The following VPS13B variants were observed in gnomAD, a reference collection of about 807,000 sequenced individuals.
The protein encoded by VPS13B is vacuolar protein sorting 13 homolog B, also known as intermembrane lipid transfer protein VPS13B.
A neutral mutation model predicts 426.4 loss-of-function variants in VPS13B; 285 were observed. That is an observed-to-expected ratio of 0.67 (90% CI 0.61 to 0.74). The LOEUF (loss-of-function observed/expected upper bound fraction) is 0.74. Ranked by LOEUF, VPS13B falls within the 30% of genes least tolerant of loss-of-function variation. The pLI, the probability that VPS13B is intolerant of heterozygous loss-of-function variation, is 0.00. For synonymous variants in VPS13B, 1,676 were observed against 1,676.4 expected (o/e 1.00, Z 0.01); for missense variants, 4,537 against 4,782.6 (o/e 0.95, Z 1.51).
chr8:99,257,270 A>G (rs766959310), intron 17 of VPS13B, among the ~76,000 whole-genome samples: 1 of 152,162 alleles, frequency 6.6e-6, no homozygotes, highest in African/African-American at 2.4e-5. Flanking sequence ...GTAGTTCTTT[A>G]TCATGAATTG....
chr8:99,812,712 A>G (rs2130796046), intron 44 of VPS13B, among the ~76,000 whole-genome samples: 1 of 152,098 alleles, frequency 6.6e-6, no homozygotes, highest in South Asian at 2.1e-4. Context: ...AACCTTTACT[A>G]CTCTAAAATC....
intron 17 of VPS13B, among the ~76,000 whole-genome samples, chr8:99,221,257 A>G (rs2132827800): frequency 6.7e-6 from 1 of 148,676 alleles, no homozygotes; most frequent in South Asian, 2.2e-4. Context: ...ATACGTGTGC[A>G]TGTGTCTTTA....
chr8:99,497,155 A>G (rs954605133), intron 25 of VPS13B, among the ~76,000 whole-genome samples: 2 of 125,722 alleles, frequency 1.6e-5, no homozygotes, highest in South Asian at 4.4e-4. Flanking sequence ...TATTTATGTA[A>G]TATAAAAATA....
At chr8:99,417,491 C>T (rs1034303588) in intron 21 of VPS13B, among the ~76,000 whole-genome samples, 2 of 152,276 alleles carry the variant, frequency 1.3e-5, no homozygotes, top group African/African-American at 4.8e-5. Flanking sequence ...GCTTCTTAAA[C>T]ATCTCATGAT....
intron 54 of VPS13B, among the ~76,000 whole-genome samples, chr8:99,837,821 C>T (rs1815473577): frequency 6.6e-6 from 1 of 152,188 alleles, no homozygotes. Flanking sequence ...AGCAGTCCTT[C>T]TGGAGGAGGG....
At chr8:99,425,192 G>A (rs1376837724) in intron 21 of VPS13B, among the ~76,000 whole-genome samples, 1 of 152,126 alleles carries the variant, frequency 6.6e-6, no homozygotes, top group Admixed American at 6.6e-5. Flanking sequence ...AGAAAAAGAG[G>A]GAATCCTCCC....
intron 12 of VPS13B, among the ~76,000 whole-genome samples, chr8:99,137,115 T>A (rs1408738312): frequency 1.3e-5 from 2 of 152,158 alleles, no homozygotes; most frequent in East Asian, 3.8e-4. Context: ...TTAAAAAGAA[T>A]GTGTTGTATC....
At chr8:99,544,276 A>C (rs181963519) in intron 30 of VPS13B, among the ~76,000 whole-genome samples, 4,892 of 152,116 alleles carry the variant, frequency 0.032, 105 homozygotes, top group Middle Eastern at 0.068. Context: ...GAACACTTGG[A>C]CACAGGGTGG....
intron 19 of VPS13B, among the ~76,000 whole-genome samples, chr8:99,373,414 G>A (rs752030401): frequency 4.6e-5 from 7 of 151,762 alleles, no homozygotes; most frequent in African/African-American, 7.3e-5. Context: ...AGTGTATATT[G>A]TGATTATAAA....
At chr8:99,473,077 C>A (rs891957667) in intron 24 of VPS13B, among the ~76,000 whole-genome samples, 1 of 151,990 alleles carries the variant, frequency 6.6e-6, no homozygotes, top group African/African-American at 2.4e-5. Context: ...ATCAAATATT[C>A]TGGAAAAAAT....
chr8:99,814,696 G>A (rs1001221581), intron 44 of VPS13B, among the ~76,000 whole-genome samples: 11 of 152,164 alleles, frequency 7.2e-5, no homozygotes, highest in Non-Finnish European at 1.3e-4. Context: ...GCCACTGGGG[G>A]CCAAGGGAGG....
rs766574205 is a variant in VPS13B, at chr8:99,642,517, A to C, written c.5908+19A>C. The C allele has an allele frequency of 1.3e-6, 2 of 1,591,930 alleles. No homozygotes were observed. Among genetic ancestry groups the C allele is most frequent in the African/African-American group, 1.3e-5 (1 of 74,540 alleles). On this transcript the variant is annotated intron_variant, in intron 34 of 61. Coordinates refer to ENST00000357162, the MANE Select transcript of VPS13B (RefSeq NM_152564.5). ...TGTATAGGTAAGAACCTTCAAACTT[A>C]CTGGAGTGCTAATAATTACTATCTA...
chr8:99,496,306 T>G (rs1272424033), intron 25 of VPS13B, among the ~76,000 whole-genome samples: 2 of 152,186 alleles, frequency 1.3e-5, no homozygotes, highest in Admixed American at 1.3e-4. Flanking sequence ...CATTAAAATT[T>G]TTATGCTATT....
chr8:99,259,883 A>G (rs1024141608), intron 17 of VPS13B, among the ~76,000 whole-genome samples: 8 of 152,128 alleles, frequency 5.3e-5, no homozygotes, highest in African/African-American at 1.7e-4. Flanking sequence ...TAATTCAGCA[A>G]GAGTAAGAGT....
intron 33 of VPS13B, chr8:99,613,683 G>C (rs1007260021): frequency 2.6e-5 from 4 of 152,174 alleles, no homozygotes; most frequent in Admixed American, 1.3e-4. Flanking sequence ...TGAATGACAG[G>C]TTATAGAAAT....
rs587780498 is a variant in VPS13B at position 99,641,875 on chromosome 8, G to A, written c.5285G>A (p.Arg1762His). 3.3e-5 allele frequency: 54 copies of A among 1,613,848 alleles called. No homozygotes were observed. The highest frequency in any genetic ancestry group is 1.1e-4 in the East Asian group (5 of 44,894). ...GGAGGCATGGCTGAAACCTCATCTC[G>A]CTACAGTGGTGCTCAGGATAGTGGA... ...FDGGMAETSS[R>H]YSGAQDSGIG... The change falls in exon 34 of 62, where the codon CGC (arginine) becomes CAC (histidine). Residue 1762 changes from arginine to histidine, a missense_variant. By Grantham distance (29) the Arg-to-His change is conservative. This residue lies in a region of VPS13B where 4,311 missense variants were observed against 4,474.3 expected (regional missense o/e 0.96). Transcript: ENST00000357162.
At chr8:99,223,202 G>A (rs1304720750) in intron 17 of VPS13B, among the ~76,000 whole-genome samples, 4 of 151,884 alleles carry the variant, frequency 2.6e-5, no homozygotes, top group Non-Finnish European at 5.9e-5. Flanking sequence ...TGTGTATTAG[G>A]AAAAATATAT....
rs557392196 is a variant in VPS13B, at chr8:99,734,023, G to C, written c.7050+12976G>C. On this transcript the variant is annotated intron_variant, in intron 39 of 61. Transcript: ENST00000357162. ...TAGGACTCTTTAGCTTTCACCTTCTGGTCTTCCCAACCCCCAGCCCTAAGT... is the reference window on the plus strand; with the variant it reads ...TAGGACTCTTTAGCTTTCACCTTCTCGTCTTCCCAACCCCCAGCCCTAAGT... Among the ~76,000 whole-genome samples the C allele has an allele frequency of 7.6e-4, 115 of 152,170 alleles. 2 individuals carry two copies. In the South Asian group the frequency reaches 0.023, roughly 30 times the overall value.
chr8:99,425,637 T>C (rs1816655322), intron 21 of VPS13B, among the ~76,000 whole-genome samples: 1 of 152,154 alleles, frequency 6.6e-6, no homozygotes, highest in South Asian at 2.1e-4. Context: ...CTGGAAGCAT[T>C]CCCTTTGAAA....
Sources: allele counts gnomAD v4.1 joint callset (sites outside exome capture counted in the v4.1 genomes callset), GRCh38; gene constraint gnomAD v4.1.1; regional missense constraint gnomAD v4.1.1; transcripts MANE v1.5; gene names NCBI Gene and HGNC (gene_info 2026-07-23, HGNC 2026-07-21).